Variants in TTC28 observed in about 807,000 individuals in gnomAD.
TTC28 encodes tetratricopeptide repeat protein 28.
Under a neutral mutation model 198.0 loss-of-function variants are expected in TTC28, and 61 were observed. The observed-to-expected ratio is 0.31, with a 90% CI of 0.25 to 0.38. The LOEUF is 0.38. Among genes scored for constraint, TTC28 ranks in the 10% least tolerant of loss-of-function variants. TTC28 has a pLI of 1.00. For missense variants in TTC28, 2,678 were observed against 3,164.0 expected (o/e 0.85, Z 3.69); for synonymous variants, 1,171 against 1,297.8 (o/e 0.90, Z 2.10).
At chr22:28,440,400 C>T (rs987128362) in intron 2 of TTC28, among the ~76,000 whole-genome samples, 1 of 152,082 alleles carries the variant, frequency 6.6e-6, no homozygotes, top group African/African-American at 2.4e-5. Flanking sequence ...TTAGATTAAT[C>T]CAGCAAGTAA....
chr22:28,655,314 C>T (rs78701018), intron 1 of TTC28, among the ~76,000 whole-genome samples: 3,015 of 152,292 alleles, frequency 0.02, 31 homozygotes, highest in Non-Finnish European at 0.027. Flanking sequence ...TATTATCTAT[C>T]CATTTCATAT....
At chr22:28,252,407 A>T (rs548210113) in intron 5 of TTC28, among the ~76,000 whole-genome samples, 148 of 152,224 alleles carry the variant, frequency 9.7e-4, no homozygotes, top group Non-Finnish European at 1.7e-3. Flanking sequence ...ATGATGGTAT[A>T]TATTTCTACA....
At chr22:28,375,784 G>C (rs1348783346) in intron 2 of TTC28, among the ~76,000 whole-genome samples, 2 of 152,156 alleles carry the variant, frequency 1.3e-5, no homozygotes, top group Non-Finnish European at 2.9e-5. Flanking sequence ...CATACAAATG[G>C]CTGCAGAACT....
At chr22:28,174,058 C>G (rs971506208) in intron 5 of TTC28, among the ~76,000 whole-genome samples, 1 of 152,094 alleles carries the variant, frequency 6.6e-6, no homozygotes, top group East Asian at 1.9e-4. Context: ...CAGTTCAGCG[C>G]CCATAAACCA....
chr22:28,417,434 C>A (rs2047184738), intron 2 of TTC28, among the ~76,000 whole-genome samples: 1 of 151,180 alleles, frequency 6.6e-6, no homozygotes. Flanking sequence ...ATGACCATAT[C>A]ACTGCACTCC....
intron 2 of TTC28, among the ~76,000 whole-genome samples, chr22:28,621,155 CT>C (rs1242780266): frequency 6.6e-6 from 1 of 152,110 alleles, no homozygotes; most frequent in African/African-American, 2.4e-5. Context: ...AAGTTTGTAC[CT>C]TTTGTGTTTA....
At chr22:28,034,939 C>T (rs1169149276) in intron 12 of TTC28, among the ~76,000 whole-genome samples, 1 of 152,192 alleles carries the variant, frequency 6.6e-6, no homozygotes, top group Non-Finnish European at 1.5e-5. Context: ...GCAGCTTTCC[C>T]CAGAGAGATG....
chr22:28,132,831 T>C (rs1943090274), intron 6 of TTC28, among the ~76,000 whole-genome samples: 1 of 152,258 alleles, frequency 6.6e-6, no homozygotes, highest in Admixed American at 6.5e-5. Flanking sequence ...AATAATTGGC[T>C]GCTTCAAACA....
At chr22:28,228,395 A>G (rs1367913585) in intron 5 of TTC28, among the ~76,000 whole-genome samples, 1 of 152,204 alleles carries the variant, frequency 6.6e-6, no homozygotes, top group East Asian at 1.9e-4. Context: ...CACAATAAAA[A>G]TAAATTTTAA....
intron 21 of TTC28, chr22:27,985,558 C>T (rs1021588336): frequency 8.4e-6 from 4 of 473,918 alleles, no homozygotes; most frequent in Non-Finnish European, 1.2e-5. Context: ...AGAACATCCA[C>T]TCTACGCAGC....
chr22:28,437,825 G>C (rs187716412), intron 2 of TTC28, among the ~76,000 whole-genome samples: 2 of 152,120 alleles, frequency 1.3e-5, no homozygotes, highest in Admixed American at 1.3e-4. Flanking sequence ...GTTTTTTTAA[G>C]TAATTACTTG....
rs545218706 is a variant in TTC28, at chr22:28,141,403, G to A, written c.1441+21689C>T. 2.9e-4 allele frequency among the ~76,000 whole-genome samples: 44 copies of A among 152,228 alleles called. 1 individual carries two copies. Among genetic ancestry groups the A allele is most frequent in the Admixed American group, 5.9e-4 (9 of 15,290 alleles). ...CTTTATCTCTAATGCCTAGAATAGT[G>A]TCTGAGACATAATTGGTACTAAATG... On this transcript the variant is annotated intron_variant, in intron 6 of 22. Transcript: ENST00000397906.
chr22:28,659,065 G>A (rs2051703091), intron 1 of TTC28, among the ~76,000 whole-genome samples: 1 of 152,248 alleles, frequency 6.6e-6, no homozygotes, highest in Non-Finnish European at 1.5e-5. Context: ...ACAGCAGGAA[G>A]GTGTCTATCT....
chr22:28,542,993 G>A (rs917120945), intron 2 of TTC28, among the ~76,000 whole-genome samples: 2 of 152,150 alleles, frequency 1.3e-5, no homozygotes, highest in African/African-American at 4.8e-5. Context: ...GTTGAGAAAT[G>A]TTTTGCACAT....
chr22:28,292,129 T>C (rs1025776154), intron 5 of TTC28, among the ~76,000 whole-genome samples: 9 of 152,114 alleles, frequency 5.9e-5, no homozygotes, highest in Non-Finnish European at 4.4e-5. Flanking sequence ...TTGTTATACA[T>C]AGGCTTATAA....
intron 2 of TTC28, among the ~76,000 whole-genome samples, chr22:28,561,072 CTTTTT>C (rs11296581): frequency 3.4e-5 from 2 of 58,728 alleles, no homozygotes; most frequent in African/African-American, 7.1e-5. Context: ...CCTTCATTTT[CTTTTT>C]TTTTTTTTTT....
At chr22:28,408,481 C>G (rs548399451) in intron 2 of TTC28, among the ~76,000 whole-genome samples, 1 of 152,058 alleles carries the variant, frequency 6.6e-6, no homozygotes, top group Non-Finnish European at 1.5e-5. Flanking sequence ...ACCTCTGCTG[C>G]GCAGGTTCAA....
intron 2 of TTC28, among the ~76,000 whole-genome samples, chr22:28,419,628 A>C (rs1350520827): frequency 6.6e-6 from 1 of 152,204 alleles, no homozygotes; most frequent in Non-Finnish European, 1.5e-5. Context: ...CGACAATCTA[A>C]ATAAGAAAAC....
chr22:28,105,640 G>C lies in TTC28; in HGVS notation c.2946C>G (p.Arg982=). Residue 982 remains arginine (R), a synonymous_variant, in exon 8 of 23, where the codon CGC becomes CGG. Coordinates refer to ENST00000397906, the MANE Select transcript of TTC28 (RefSeq NM_001145418.2). ...NYEQAISCLE[R]QLNIARDMKD... The stretch of plus-strand genomic sequence containing the variant: ...TCATATCTCTAGCAATGTTCAGCTG[G>C]CGTTCAAGGCAGGAAATGGCTTGTT... The C allele has an allele frequency of 6.4e-7, 1 of 1,552,080 alleles. No individual in the cohort carries two copies. Among genetic ancestry groups the C allele is most frequent in the Non-Finnish European group, 8.7e-7 (1 of 1,147,094 alleles).
Sources: gnomAD v4.1 joint callset for allele counts (sites outside exome capture counted in the v4.1 genomes callset) on GRCh38, gnomAD v4.1.1 for gene constraint, MANE v1.5 for transcripts, NCBI Gene and HGNC (gene_info 2026-07-23, HGNC 2026-07-21) for gene names.